ZNFX1: variants seen among roughly 807,000 people sequenced by gnomAD.
ZNFX1 encodes zinc finger NFX1-type containing 1, also known as NFX1-type zinc finger-containing protein 1.
ZNFX1 carries 78 observed loss-of-function variants against 179.8 expected under a neutral mutation model. That is an observed-to-expected ratio of 0.43 (90% CI 0.36 to 0.52). The LOEUF is 0.52. ZNFX1 is among the 20% of genes least tolerant of loss of function. The pLI, the probability that ZNFX1 is intolerant of heterozygous loss-of-function variation, is 0.00. For synonymous variants in ZNFX1, 848 were observed against 868.5 expected (o/e 0.98, Z 0.42); for missense variants, 1,927 against 2,386.6 (o/e 0.81, Z 4.01).
chr20:49,272,410 T>A (rs548946367), intron 2 of ZNFX1, among the ~76,000 whole-genome samples: 1 of 152,146 alleles, frequency 6.6e-6, no homozygotes, highest in South Asian at 2.1e-4. Context: ...CTCCTGACAT[T>A]GTGATCCACC....
At chr20:49,252,871 G>C (rs1300069032) in intron 11 of ZNFX1, 41 bp from the exon 12 acceptor site, 3 of 1,494,546 alleles carry the variant, frequency 2.0e-6, no homozygotes, top group African/African-American at 2.8e-5. Flanking sequence ...TACTGATAAA[G>C]TCATTTAACC....
At position 49,270,863 on chromosome 20, in the gene ZNFX1, C is replaced by A; in HGVS notation, c.949G>T (p.Asp317Tyr). ...EKRREGTLRV[D>Y]TYTLVQPEAE... Reference sequence around the variant, plus strand: ...TCAGGCTGCACTAGAGTGTAGGTATCCACTCTCAAAGTGCCCTCTCGCCTC... The same window carrying A: ...TCAGGCTGCACTAGAGTGTAGGTATACACTCTCAAAGTGCCCTCTCGCCTC... Residue 317 changes from aspartate (D) to tyrosine (Y), a missense_variant, in exon 3 of 14, where the codon GAT (aspartate) becomes TAT (tyrosine). By Grantham distance (160) the Asp-to-Tyr change is radical. Transcript: ENST00000396105. This position sits in a 1 kb window ranked among gnomAD's most constrained non-coding sequence, Gnocchi z 4.6. 2.5e-6 allele frequency: 4 copies of A among 1,614,054 alleles called. No homozygotes were observed. Among genetic ancestry groups the A allele is most frequent in the African/African-American group, 1.3e-5 (1 of 75,040 alleles).
intron 2 of ZNFX1, among the ~76,000 whole-genome samples, chr20:49,274,154 C>A (rs1600999085): frequency 6.6e-6 from 1 of 152,220 alleles, no homozygotes; most frequent in Non-Finnish European, 1.5e-5. Context: ...ACGATCTGCA[C>A]TATCCAATAC....
intron 4 of ZNFX1, among the ~76,000 whole-genome samples, chr20:49,265,210 A>G (rs1331748604): frequency 6.6e-6 from 1 of 152,230 alleles, no homozygotes; most frequent in East Asian, 1.9e-4. Context: ...TACAGTCTGG[A>G]TAAATGAAAG....
Position 49,263,309 on chromosome 20 carries a change from T to G in ZNFX1, c.2301+25A>C, listed in dbSNP as rs760499677. 2.5e-6 allele frequency: 4 copies of G among 1,610,090 alleles called. No individual in the cohort carries two copies. In the Admixed American group the frequency reaches 6.7e-5, roughly 27 times the overall value. On this transcript the variant is annotated intron_variant, in intron 6 of 13. Transcript: ENST00000396105. ...CAAAGTACTGAGGCCAGAGACATAT[T>G]TGTGTCCCCCAGGATGACCCCTACC... is the stretch of plus-strand genomic sequence containing the variant.
At chr20:49,266,076 T>C in intron 4 of ZNFX1, 59 bp downstream of exon 4, 1 of 1,572,432 alleles carries the variant, frequency 6.4e-7, no homozygotes, top group Non-Finnish European at 8.6e-7. Context: ...GCTACTGAAG[T>C]TGCTGATGGT....
chr20:49,248,446 G>C lies in ZNFX1; in HGVS notation c.4578C>G (p.Leu1526=), dbSNP rs953211375. The C allele has an allele frequency of 1.2e-6, 2 of 1,610,450 alleles. No individual in the cohort carries two copies. The highest frequency in any genetic ancestry group is 3.3e-4 in the Middle Eastern group (2 of 6,044). ...GGGGTCGGTTGCAGGGCTCAGAGCAGAGTTTGGTGCACTGGTAGTGCTGGC... is the reference window on the plus strand; with the variant it reads ...GGGGTCGGTTGCAGGGCTCAGAGCACAGTTTGGTGCACTGGTAGTGCTGGC... The part of the protein sequence containing the change: ...WRCQHYQCTK[L]CSEPCNRPPC... The change falls in exon 14 of 14, where the codon CTC becomes CTG. Residue 1526 remains leucine, a synonymous_variant. Transcript: ENST00000396105. The surrounding 1 kb of genome is among the most constrained non-coding windows in gnomAD (Gnocchi z 4.6).
At position 49,274,959 on chromosome 20, in the gene ZNFX1, G is replaced by A. The variant is rs1981514195; in HGVS notation, c.61+820C>T. Reference sequence around the variant, plus strand: ...AACACGGTGAAACCCCGTCTCTACTGAAAATACAAAAAAATTAGCCGGGCG... The same window carrying A: ...AACACGGTGAAACCCCGTCTCTACTAAAAATACAAAAAAATTAGCCGGGCG... On this transcript the variant is annotated intron_variant, in intron 2 of 13. Transcript: ENST00000396105. Among the ~76,000 whole-genome samples the A allele has an allele frequency of 7.8e-5, 6 of 77,064 alleles. No homozygotes were observed. The South Asian group carries it at 2.2e-3, about 28-fold the overall frequency. 50.6% of individuals were successfully genotyped at this position (77,064 alleles called of 152,430 possible).
chr20:49,272,591 C>T (rs1981444003), intron 2 of ZNFX1, among the ~76,000 whole-genome samples: 1 of 152,164 alleles, frequency 6.6e-6, no homozygotes, highest in South Asian at 2.1e-4. Context: ...TTGGGAATAT[C>T]CTATTGATTC....
chr20:49,253,149 A>T (rs1482569516), intron 11 of ZNFX1, among the ~76,000 whole-genome samples: 1 of 152,208 alleles, frequency 6.6e-6, no homozygotes, highest in Admixed American at 6.5e-5. Flanking sequence ...GGGAGCGGAA[A>T]GGACACAGTG....
Position 49,265,611 on chromosome 20 carries a change from A to C in ZNFX1, c.2002+524T>G, listed in dbSNP as rs1021675925. Among the ~76,000 whole-genome samples, 3 of 152,242 alleles carry C rather than the reference A, an allele frequency of 2.0e-5. No homozygotes were observed. The East Asian group carries it at 5.8e-4, about 29-fold the overall frequency. On this transcript the variant is annotated intron_variant, in intron 4 of 13. Coordinates refer to ENST00000396105, the MANE Select transcript of ZNFX1 (RefSeq NM_021035.3). ...AAAAGCATATATTTATTCATCCATT[A>C]ATGTTATTTAGTATTTTTTGAGTGC... is the stretch of plus-strand genomic sequence containing the variant.
intron 1 of ZNFX1, among the ~76,000 whole-genome samples, chr20:49,276,750 G>T (rs1208157787): frequency 2.6e-5 from 4 of 152,186 alleles, no homozygotes; most frequent in Non-Finnish European, 5.9e-5. Context: ...TTCATAATTG[G>T]AAACTGTGAC....
chr20:49,270,622 T>C lies in ZNFX1; in HGVS notation c.1190A>G (p.Asp397Gly). ...AAACTTTCTCTTCCTCAGGCCCTGG[T>C]CTTCAAAGCTTTGGAGAAGTTCCAA... ...GILELLQSFE[D>G]QGLRKRKFDD... The change falls in exon 3 of 14, where the codon GAC becomes GGC. Residue 397 changes from aspartate (D) to glycine (G), a missense_variant. Coordinates refer to ENST00000396105, the MANE Select transcript of ZNFX1 (RefSeq NM_021035.3). This position sits in a 1 kb window ranked among gnomAD's most constrained non-coding sequence, Gnocchi z 4.6. 1.2e-6 allele frequency: 2 copies of C among 1,614,190 alleles called. No individual in the cohort carries two copies. Among genetic ancestry groups the C allele is most frequent in the South Asian group, 2.2e-5 (2 of 91,082 alleles).
chr20:49,262,362 C>T lies in ZNFX1; in HGVS notation c.2301+972G>A, dbSNP rs140948648. ...CGGAGGTTGTAGTAAGCCAAGATCG[C>T]GCCATTGCACTGCAGCCTGGGGTGA... On this transcript the variant is annotated intron_variant, in intron 6 of 13. Transcript: ENST00000396105. Among the ~76,000 whole-genome samples, 487 of 147,124 alleles carry T rather than the reference C, an allele frequency of 3.3e-3. 5 individuals carry two copies. The South Asian group carries it at 0.044, about 13-fold the overall frequency.
chr20:49,257,119 G>A (rs2146733017), intron 8 of ZNFX1, among the ~76,000 whole-genome samples: 1 of 152,328 alleles, frequency 6.6e-6, no homozygotes, highest in Middle Eastern at 3.4e-3. Context: ...AAGGCATTAA[G>A]TACTGAGACC....
At chr20:49,267,767 AT>A (rs1205654319) in intron 3 of ZNFX1, among the ~76,000 whole-genome samples, 1 of 152,124 alleles carries the variant, frequency 6.6e-6, no homozygotes, top group East Asian at 1.9e-4. Flanking sequence ...CCTGAATTCA[AT>A]TCCTAAACTT....
At position 49,247,704 on chromosome 20, in the gene ZNFX1, T is replaced by C; in HGVS notation, c.5320A>G (p.Lys1774Glu). ...TCTTTCACCTTCTTCTCTGCTATCTTGTAGCGGGTCAGAAGGTTCACCAGG... is the reference window on the plus strand; with the variant it reads ...TCTTTCACCTTCTTCTCTGCTATCTCGTAGCGGGTCAGAAGGTTCACCAGG... ...TYLVNLLTRYKIAEKKVKDSI... is the reference protein window; with the variant it reads ...TYLVNLLTRYEIAEKKVKDSI... Residue 1774 changes from lysine to glutamate, a missense_variant, in exon 14 of 14, where the codon AAG (lysine) becomes GAG (glutamate). Transcript: ENST00000396105. The C allele has an allele frequency of 6.2e-7, 1 of 1,614,238 alleles. No homozygotes were observed.
At chr20:49,268,994 C>A (rs1981312698) in intron 3 of ZNFX1, among the ~76,000 whole-genome samples, 1 of 152,212 alleles carries the variant, frequency 6.6e-6, no homozygotes, top group East Asian at 1.9e-4. Context: ...ACCTAGCAGT[C>A]CCATTATTGG....
chr20:49,276,713 A>G (rs948302229), intron 1 of ZNFX1, among the ~76,000 whole-genome samples: 1 of 152,160 alleles, frequency 6.6e-6, no homozygotes, highest in African/African-American at 2.4e-5. Flanking sequence ...GGGATTTTTG[A>G]GACTGTCTTC....
Sources: allele counts gnomAD v4.1 joint callset (sites outside exome capture counted in the v4.1 genomes callset), GRCh38; gene constraint gnomAD v4.1.1; non-coding constraint Gnocchi (gnomAD v3.1); transcripts MANE v1.5; gene names NCBI Gene and HGNC (gene_info 2026-07-23, HGNC 2026-07-21).